TTLL11: variants seen among roughly 807,000 people sequenced by gnomAD.
TTLL11 encodes tubulin tyrosine ligase like 11.
TTLL11 carries 42 observed loss-of-function variants against 51.7 expected under a neutral mutation model. That is an observed-to-expected ratio of 0.81 (90% CI 0.64 to 1.05). The LOEUF is 1.05. Ranked by LOEUF, TTLL11 falls within the 50% of genes least tolerant of loss-of-function variation. The pLI, the probability that TTLL11 is intolerant of heterozygous loss-of-function variation, is 0.00. For synonymous variants in TTLL11, 381 were observed against 383.5 expected (o/e 0.99, Z 0.08); for missense variants, 799 against 940.4 (o/e 0.85, Z 1.97).
At chr9:121,874,252 G>A (rs10760200) in intron 6 of TTLL11, among the ~76,000 whole-genome samples, 75,299 of 151,926 alleles carry the variant, frequency 0.5, 19,091 homozygotes, top group East Asian at 0.85. Context: ...GCCTTGGCCA[G>A]CCTCCCAATA....
rs746347777 is a variant in TTLL11, at chr9:122,039,281, T to C, written c.550A>G (p.Lys184Glu). The change falls in exon 2 of 9, where the codon AAG (lysine) becomes GAG (glutamate). Residue 184 changes from lysine to glutamate, a missense_variant. Physicochemically the swap from Lys to Glu is moderately conservative, Grantham distance 56. Around this residue, in one of 3 missense-constraint regions of TTLL11, gnomAD observed 468 missense variants for 612.8 expected, o/e 0.76. Coordinates refer to ENST00000321582, the MANE Select transcript of TTLL11 (RefSeq NM_001139442.2). ...DNDIFSGQVN[K>E]FPGMTEMVRK... ...CAATAACAGCAGATACCTGGAAACT[T>C]GTTCACTTGACCGGAGAATATGTCA... 1.9e-6 allele frequency: 3 copies of C among 1,613,946 alleles called. No individual in the cohort carries two copies. The Admixed American group carries it at 5.0e-5, about 27-fold the overall frequency.
chr9:122,047,493 G>A lies in TTLL11; in HGVS notation c.463-8125C>T, dbSNP rs369049011. Among the ~76,000 whole-genome samples, 18 of 152,264 alleles carry A rather than the reference G, an allele frequency of 1.2e-4. 1 individual carries two copies. The highest frequency in any genetic ancestry group is 4.3e-4 in the African/African-American group (18 of 41,558). ...AGCAGGGGGCAGCTCAGGTAGGGCT[G>A]CACCCTGTGCTGGAGCATGCCCCCA... On this transcript the variant is annotated intron_variant, in intron 1 of 8. Transcript: ENST00000321582.
intron 3 of TTLL11, among the ~76,000 whole-genome samples, chr9:122,007,943 A>AT (rs1021237906): frequency 6.6e-6 from 1 of 152,198 alleles, no homozygotes; most frequent in African/African-American, 2.4e-5. Context: ...TAAAGTTGAC[A>AT]TTACCAGTAA....
At chr9:121,828,989 G>A (rs1359200412) in intron 8 of TTLL11, among the ~76,000 whole-genome samples, 1 of 150,186 alleles carries the variant, frequency 6.7e-6, no homozygotes, top group African/African-American at 2.5e-5. Context: ...ACGGAGTCTC[G>A]CTCTGTCACC....
At chr9:121,899,382 T>TATATAC in intron 6 of TTLL11, among the ~76,000 whole-genome samples, 1 of 113,346 alleles carries the variant, frequency 8.8e-6, no homozygotes, top group Non-Finnish European at 1.9e-5. Flanking sequence ...TATATACATA[T>TATATAC]ATATATATAT....
chr9:121,847,896 AC>A (rs1195705438), intron 8 of TTLL11, among the ~76,000 whole-genome samples: 8 of 152,196 alleles, frequency 5.3e-5, no homozygotes, highest in Non-Finnish European at 1.0e-4. Context: ...AGATGCAAAA[AC>A]CCTCAATAAA....
At chr9:122,062,307 T>C (rs991609406) in intron 1 of TTLL11, among the ~76,000 whole-genome samples, 2 of 152,108 alleles carry the variant, frequency 1.3e-5, no homozygotes, top group Admixed American at 6.5e-5. Context: ...CCAGCCTCAG[T>C]GCTAGGAAAA....
chr9:122,014,888 T>A (rs116433244), intron 3 of TTLL11, among the ~76,000 whole-genome samples: 1 of 152,134 alleles, frequency 6.6e-6, no homozygotes, highest in East Asian at 1.9e-4. Context: ...CTACCAGAAA[T>A]CCTGAGGGCA....
At chr9:121,990,194 T>C (rs750025444) in intron 3 of TTLL11, among the ~76,000 whole-genome samples, 14 of 152,226 alleles carry the variant, frequency 9.2e-5, no homozygotes, top group East Asian at 1.9e-4. Flanking sequence ...ACAGAAAATA[T>C]GGTTGTGTCT....
At chr9:122,023,274 C>T (rs1249276516) in intron 3 of TTLL11, among the ~76,000 whole-genome samples, 2 of 151,794 alleles carry the variant, frequency 1.3e-5, no homozygotes, top group East Asian at 1.9e-4. Flanking sequence ...TATGAACAGC[C>T]TATATCTATC....
rs374933430 is a variant in TTLL11, at chr9:121,987,638, G to A, written c.1269+1557C>T. Among the ~76,000 whole-genome samples the A allele has an allele frequency of 3.3e-5, 5 of 152,246 alleles. No homozygotes were observed. In the South Asian group the frequency reaches 8.3e-4, roughly 25 times the overall value. On this transcript the variant is annotated intron_variant, in intron 4 of 8. Transcript: ENST00000321582. ...GACAGTTTCAGTGCTGGTCTTGCCCGGCGTCTCAGCAGCATTTGAAGCGCT... is the reference window on the plus strand; with the variant it reads ...GACAGTTTCAGTGCTGGTCTTGCCCAGCGTCTCAGCAGCATTTGAAGCGCT...
chr9:121,985,693 A>AT (rs535149221), intron 4 of TTLL11, among the ~76,000 whole-genome samples: 172 of 150,606 alleles, frequency 1.1e-3, no homozygotes, highest in Middle Eastern at 0.01. Context: ...ATTTTTTGTA[A>AT]TTTTTTTTAG....
At chr9:122,045,875 G>A (rs1295285929) in intron 1 of TTLL11, among the ~76,000 whole-genome samples, 1 of 152,140 alleles carries the variant, frequency 6.6e-6, no homozygotes, top group African/African-American at 2.4e-5. Context: ...GTAGGATGGT[G>A]GTTGCCAGAG....
chr9:121,890,669 C>T lies in TTLL11; in HGVS notation c.1482-19921G>A, dbSNP rs988421716. 1.6e-4 allele frequency among the ~76,000 whole-genome samples: 24 copies of T among 152,216 alleles called. No homozygotes were observed. Among genetic ancestry groups the T allele is most frequent in the African/African-American group, 5.3e-4 (22 of 41,460 alleles). On this transcript the variant is annotated intron_variant, in intron 6 of 8. Coordinates refer to ENST00000321582, the MANE Select transcript of TTLL11 (RefSeq NM_001139442.2). This position sits in a 1 kb window ranked among gnomAD's most constrained non-coding sequence, Gnocchi z 4.3. Reference sequence around the variant, plus strand: ...CTCCTGTCCTCTCATCCTCCACCTCCCATCAATAATGGCAGTTCACAAAGG... The same window carrying T: ...CTCCTGTCCTCTCATCCTCCACCTCTCATCAATAATGGCAGTTCACAAAGG...
At chr9:121,850,539 T>G (rs1837637019) in intron 8 of TTLL11, among the ~76,000 whole-genome samples, 1 of 150,652 alleles carries the variant, frequency 6.6e-6, no homozygotes, top group African/African-American at 2.4e-5. Flanking sequence ...GAGGGAGCAG[T>G]GAAGGGGGAG....
At chr9:121,912,836 G>A (rs1042011765) in intron 6 of TTLL11, among the ~76,000 whole-genome samples, 2 of 151,410 alleles carry the variant, frequency 1.3e-5, no homozygotes, top group Non-Finnish European at 1.5e-5. Context: ...CTTGGGAAAG[G>A]CATTCTTTTC....
chr9:121,894,427 A>G (rs1297325905), intron 6 of TTLL11, among the ~76,000 whole-genome samples: 1 of 152,240 alleles, frequency 6.6e-6, no homozygotes, highest in Non-Finnish European at 1.5e-5. Flanking sequence ...TCATTCTACT[A>G]TAAAGACACA....
At chr9:121,826,184 C>G (rs374025191) in intron 8 of TTLL11, among the ~76,000 whole-genome samples, 1 of 51,134 alleles carries the variant, frequency 2.0e-5, no homozygotes, top group Non-Finnish European at 3.3e-5. Context: ...AACCAGTAAC[C>G]TATATATATA....
chr9:121,899,365 G>GTGTGTATATATATACA (rs1226221957), intron 6 of TTLL11, among the ~76,000 whole-genome samples: 15 of 113,238 alleles, frequency 1.3e-4, no homozygotes, highest in African/African-American at 3.0e-4. Context: ...ATGTGTGTGT[G>GTGTGTATATATATACA]TATATATATA....
Sources: gnomAD v4.1 joint callset for allele counts (sites outside exome capture counted in the v4.1 genomes callset) on GRCh38, gnomAD v4.1.1 for gene constraint, gnomAD v4.1.1 regional missense constraint, Gnocchi (gnomAD v3.1) non-coding constraint, MANE v1.5 for transcripts, NCBI Gene and HGNC (gene_info 2026-07-23, HGNC 2026-07-21) for gene names.